The following CIITA variants were observed in gnomAD, a reference collection of about 807,000 sequenced individuals.
CIITA encodes the protein class II major histocompatibility complex transactivator.
In CIITA, 72 loss-of-function variants were observed where a neutral mutation model predicts 115.1. The ratio of observed to expected loss-of-function variants is 0.63; its 90% CI spans 0.52 to 0.76. The LOEUF (loss-of-function observed/expected upper bound fraction) is 0.76. CIITA is among the 30% of genes least tolerant of loss of function. The pLI is 0.00. For missense variants in CIITA, 1,617 were observed against 1,463.8 expected, an observed-to-expected ratio of 1.10 and a Z score of -1.71; for synonymous variants, 763 against 635.6, an observed-to-expected ratio of 1.20 and a Z score of -3.02.
chr16:10,920,396 C>T lies in CIITA; in HGVS notation c.3150-1771C>T, dbSNP rs1015288709. On this transcript the variant is annotated intron_variant, in intron 16 of 19. Coordinates refer to ENST00000324288, the MANE Select transcript of CIITA (RefSeq NM_000246.4). The surrounding 1 kb of genome is among the most constrained non-coding windows in gnomAD (Gnocchi z 4.5). ...CCAAGTAGCTGGGATTACAGATGCC[C>T]GCCACCACACCAGGCTATTTTTGTG... Among the ~76,000 whole-genome samples, 5 of 152,008 alleles carry T rather than the reference C, an allele frequency of 3.3e-5. No individual in the cohort carries two copies. Among genetic ancestry groups the T allele is most frequent in the South Asian group, 2.1e-4 (1 of 4,824 alleles).
chr16:10,894,781 T>C (rs1044874826), intron 1 of CIITA, among the ~76,000 whole-genome samples: 1 of 152,206 alleles, frequency 6.6e-6, no homozygotes, highest in Admixed American at 6.5e-5. Flanking sequence ...AGTCAGACTG[T>C]CTGGGTTCAA....
At position 10,866,553 on chromosome 16, in the gene CIITA, C is replaced by T. The variant is rs114632924; in HGVS notation, c.-21+234C>T. On this transcript the variant is annotated intron_variant, in intron 1 of 5. Coordinates refer to the CIITA transcript ENST00000636238. ...AGCCCCCAGCAGCCGAGAGGGGCCC[C>T]GGCCACAGTGACCATGGTGGTAAGT... The T allele has an allele frequency of 9.1e-3, 4,969 of 545,836 alleles. 146 individuals are homozygous for T. Among genetic ancestry groups the T allele is most frequent in the African/African-American group, 0.073 (3,861 of 53,214 alleles). The allele number at this position is 545,836 out of a possible 1,614,324, so 33.8% of individuals were successfully genotyped here. A position where few individuals can be genotyped will look rare whatever the true frequency, so the allele number is the denominator to read the frequency against.
chr16:10,899,923 A>C (rs1406454800), intron 5 of CIITA, among the ~76,000 whole-genome samples: 1 of 152,080 alleles, frequency 6.6e-6, no homozygotes, highest in Admixed American at 6.5e-5. Flanking sequence ...CTACCAAAAA[A>C]TACAAAAATT....
intron 15 of CIITA, 38 bp downstream of exon 15, chr16:10,916,497 C>A (rs753477596): frequency 5.8e-6 from 9 of 1,550,464 alleles, no homozygotes; most frequent in African/African-American, 2.7e-5. Flanking sequence ...CTGAATCGGG[C>A]CCCCAAAGTC....
chr16:10,883,351 G>A (rs941257572), intron 1 of CIITA, among the ~76,000 whole-genome samples: 3 of 152,200 alleles, frequency 2.0e-5, no homozygotes, highest in Non-Finnish European at 4.4e-5. Context: ...GCGGGGAAGG[G>A]AACTCTTATC....
rs774283425 is a variant in CIITA, at chr16:10,923,219, C to G, written c.3318-9C>G. ...CTAACCTGGCTCTGAGTCCCATCCC[C>G]CCTTGCAGGATGTGGACGCCCACCA... On this transcript the variant is annotated splice_polypyrimidine_tract_variant and intron_variant, in intron 18 of 19. Coordinates refer to ENST00000324288, the MANE Select transcript of CIITA (RefSeq NM_000246.4). The surrounding 1 kb of genome is among the most constrained non-coding windows in gnomAD (Gnocchi z 5.2). 3 of 1,612,618 alleles carry G rather than the reference C, an allele frequency of 1.9e-6. No individual in the cohort carries two copies. The highest frequency in any genetic ancestry group is 2.2e-5 in the South Asian group (2 of 91,084).
intron 15 of CIITA, 97 bp from the exon 16 acceptor site, chr16:10,918,343 A>G (rs772760149): frequency 7.5e-6 from 8 of 1,069,164 alleles, no homozygotes; most frequent in Non-Finnish European, 1.2e-5. Context: ...GTCTGTCGAC[A>G]GCGCCATTCA....
chr16:10,892,403 C>T (rs2037688958), intron 1 of CIITA, among the ~76,000 whole-genome samples: 1 of 152,090 alleles, frequency 6.6e-6, no homozygotes, highest in Non-Finnish European at 1.5e-5. Context: ...GCTTACTCTT[C>T]AATGTATTCT....
rs1363855795 is a variant in CIITA, at chr16:10,934,070, G to C, written c.*10215G>C. The C allele has an allele frequency of 6.6e-6, 1 of 152,210 alleles. No individual in the cohort carries two copies. The allele number at this position is 152,210 out of a possible 1,614,324, so 9.4% of individuals were successfully genotyped here. ...CTCAAACCTGGCTTCGGATTTGCAC[G>C]TTGGCTGCCAAAGCTGATCAGCAGC... On this transcript the variant is annotated 3_prime_UTR_variant, in exon 20 of 20. Transcript: ENST00000324288. This position sits in a 1 kb window ranked among gnomAD's most constrained non-coding sequence, Gnocchi z 4.2.
chr16:10,875,948 C>T (rs913479846), upstream of CIITA, among the ~76,000 whole-genome samples: 4 of 151,682 alleles, frequency 2.6e-5, no homozygotes, highest in African/African-American at 4.9e-5. Flanking sequence ...CCAGCCTGGG[C>T]GAAAGAGCGC....
intron 1 of CIITA, among the ~76,000 whole-genome samples, chr16:10,892,852 G>A (rs1420099240): frequency 1.3e-5 from 2 of 152,088 alleles, no homozygotes; most frequent in Non-Finnish European, 2.9e-5. Context: ...AGAATCGCTT[G>A]AACTGGGAGG....
In CIITA at chr16:10,929,089, C is replaced by T. The variant is rs1040788082; in HGVS notation, c.*5234C>T. 2.0e-5 allele frequency: 10 copies of T among 499,764 alleles called. No individual in the cohort carries two copies. The highest frequency in any genetic ancestry group is 1.5e-4 in the East Asian group (1 of 6,636). 31.0% of individuals were successfully genotyped at this position (499,764 alleles called of 1,614,324 possible). A position where few individuals can be genotyped will look rare whatever the true frequency, so the allele number is the denominator to read the frequency against. Reference sequence around the variant, plus strand: ...GAACGAGTAACCTGAAATGAAGGAGCGAGAATCCCACCCTCAGCCCCCCAA... The same window carrying T: ...GAACGAGTAACCTGAAATGAAGGAGTGAGAATCCCACCCTCAGCCCCCCAA... On this transcript the variant is annotated 3_prime_UTR_variant, in exon 20 of 20. Coordinates refer to ENST00000324288, the MANE Select transcript of CIITA (RefSeq NM_000246.4). This position sits in a 1 kb window ranked among gnomAD's most constrained non-coding sequence, Gnocchi z 4.3.
At chr16:10,887,755 A>T (rs2037109301) in intron 1 of CIITA, among the ~76,000 whole-genome samples, 1 of 152,124 alleles carries the variant, frequency 6.6e-6, no homozygotes, top group Admixed American at 6.5e-5. Flanking sequence ...TCGGCCTCTC[A>T]AAGTGCTAGG....
intron 9 of CIITA, 138 bp downstream of exon 9, chr16:10,904,033 A>T: frequency 9.0e-7 from 1 of 1,106,966 alleles, no homozygotes; most frequent in Non-Finnish European, 1.3e-6. Context: ...CGGGACAGGG[A>T]GGGTCTCCAG....
chr16:10,869,741 C>T (rs912333310), intron 1 of CIITA, among the ~76,000 whole-genome samples: 1 of 152,130 alleles, frequency 6.6e-6, no homozygotes, highest in African/African-American at 2.4e-5. Flanking sequence ...TCTTGAACTC[C>T]TGACATCAAG....
chr16:10,893,340 G>A (rs1330332150), intron 1 of CIITA, among the ~76,000 whole-genome samples: 1 of 152,114 alleles, frequency 6.6e-6, no homozygotes, highest in Non-Finnish European at 1.5e-5. Flanking sequence ...GATCCTGGCA[G>A]GAGCCTTAGA....
intron 1 of CIITA, among the ~76,000 whole-genome samples, chr16:10,886,777 C>T (rs1213668008): frequency 6.6e-6 from 1 of 152,206 alleles, no homozygotes; most frequent in African/African-American, 2.4e-5. Context: ...AAAATGCAGT[C>T]GATTCTGTGA....
At chr16:10,906,115 C>T (rs923646592) in intron 10 of CIITA, among the ~76,000 whole-genome samples, 10 of 151,988 alleles carry the variant, frequency 6.6e-5, no homozygotes, top group Non-Finnish European at 1.2e-4. Context: ...ATTGCTTGAG[C>T]CTGTGAGGTT....
intron 7 of CIITA, 85 bp downstream of exon 7, chr16:10,902,269 A>C: frequency 6.4e-7 from 1 of 1,561,552 alleles, no homozygotes; most frequent in Non-Finnish European, 8.7e-7. Flanking sequence ...GACTGTCAGG[A>C]ACTGGACCTC....
Sources: allele counts gnomAD v4.1 joint callset (sites outside exome capture counted in the v4.1 genomes callset), GRCh38; gene constraint gnomAD v4.1.1; non-coding constraint Gnocchi (gnomAD v3.1); transcripts MANE v1.5; gene names NCBI Gene and HGNC (gene_info 2026-07-23, HGNC 2026-07-21).